The following MAP2 variants were observed in gnomAD, a reference collection of about 807,000 sequenced individuals.
MAP2 encodes microtubule-associated protein 2.
Under a neutral mutation model 137.6 loss-of-function variants are expected in MAP2, and 14 were observed. That is an observed-to-expected ratio of 0.10 (90% CI 0.07 to 0.16). The LOEUF (loss-of-function observed/expected upper bound fraction) is 0.16. Ranked by LOEUF, MAP2 falls within the 10% of genes least tolerant of loss-of-function variation. The pLI is 1.00. For missense variants in MAP2, 2,088 were observed against 2,191.5 expected (o/e 0.95, Z 0.94); for synonymous variants, 786 against 782.3 (o/e 1.00, Z -0.08).
chr2:209,556,662 TAAAAAA>T (rs111264428), intron 2 of MAP2, among the ~76,000 whole-genome samples: 19 of 108,468 alleles, frequency 1.8e-4, no homozygotes, highest in African/African-American at 5.9e-4. Flanking sequence ...TCTGGCCTAT[TAAAAAA>T]AAAAAAAAAA....
rs74872467 is a variant in MAP2 at position 209,566,112 on chromosome 2, G to A, written c.-171-13924G>A. Among the ~76,000 whole-genome samples the A allele has an allele frequency of 9.7e-3, 1,470 of 152,274 alleles. 27 individuals carry two copies. Among genetic ancestry groups the A allele is most frequent in the African/African-American group, 0.033 (1,386 of 41,548 alleles). On this transcript the variant is annotated intron_variant, in intron 2 of 15. Coordinates refer to ENST00000682079, the MANE Select transcript of MAP2 (RefSeq NM_001375505.1). ...TGAGAGTGACATTCACTCTTTCCAA[G>A]ATAATCCTCATGATAGGATGCACTT...
At chr2:209,630,380 A>G (rs1229166288) in intron 4 of MAP2, among the ~76,000 whole-genome samples, 3 of 152,146 alleles carry the variant, frequency 2.0e-5, no homozygotes, top group Admixed American at 6.5e-5. Flanking sequence ...CCTACTGCCC[A>G]TTACACAAGC....
chr2:209,531,957 A>G (rs1007022452), intron 2 of MAP2, among the ~76,000 whole-genome samples: 2 of 152,158 alleles, frequency 1.3e-5, no homozygotes, highest in African/African-American at 4.8e-5. Flanking sequence ...ATAGGACTTC[A>G]GCTAGGCATG....
chr2:209,619,200 G>A (rs543337443), intron 3 of MAP2, among the ~76,000 whole-genome samples: 9 of 151,952 alleles, frequency 5.9e-5, no homozygotes, highest in Non-Finnish European at 1.3e-4. Flanking sequence ...AAATTCAAGA[G>A]ATCTATTATA....
intron 1 of MAP2, among the ~76,000 whole-genome samples, chr2:209,476,243 G>C (rs10514642): frequency 6.6e-6 from 1 of 151,966 alleles, no homozygotes; most frequent in African/African-American, 2.4e-5. Flanking sequence ...GCAGTCACTT[G>C]GAAAGAAGAT....
intron 2 of MAP2, among the ~76,000 whole-genome samples, chr2:209,574,051 A>G (rs1019765506): frequency 6.6e-6 from 1 of 152,170 alleles, no homozygotes; most frequent in African/African-American, 2.4e-5. Context: ...TCATAATTGT[A>G]TACATTTATG....
At chr2:209,707,416 A>C (rs1202412154) in intron 12 of MAP2, among the ~76,000 whole-genome samples, 1 of 152,042 alleles carries the variant, frequency 6.6e-6, no homozygotes, top group Non-Finnish European at 1.5e-5. Context: ...AAAAGCAAGC[A>C]CTCTGCCCAC....
At chr2:209,702,760 G>A (rs2062140329) in intron 11 of MAP2, among the ~76,000 whole-genome samples, 1 of 151,910 alleles carries the variant, frequency 6.6e-6, no homozygotes, top group Non-Finnish European at 1.5e-5. Context: ...AATGACTTGT[G>A]CTGACCCAAT....
chr2:209,598,206 C>T (rs1285461556), intron 3 of MAP2, among the ~76,000 whole-genome samples: 2 of 151,702 alleles, frequency 1.3e-5, no homozygotes, highest in Non-Finnish European at 2.9e-5. Context: ...GGGGTTTCAC[C>T]ATATTGGCCA....
chr2:209,669,669 A>C (rs1228219838), intron 5 of MAP2, among the ~76,000 whole-genome samples: 2 of 151,996 alleles, frequency 1.3e-5, no homozygotes, highest in Non-Finnish European at 2.9e-5. Context: ...TCTCCATAAG[A>C]AACCCTAGCC....
Position 209,695,408 on chromosome 2 carries a change from C to A in MAP2, c.3238C>A (p.Pro1080Thr). The A allele has an allele frequency of 6.2e-7, 1 of 1,613,036 alleles. No individual in the cohort carries two copies. Among genetic ancestry groups the A allele is most frequent in the Non-Finnish European group, 8.5e-7 (1 of 1,179,562 alleles). ...ACTTGAGGCTACACAGGACATGACC[C>A]CCTCATCCAAAGCACCGCAGGAGGC... Reference protein sequence around the residue: ...LKLEATQDMTPSSKAPQEADA... With the variant: ...LKLEATQDMTTSSKAPQEADA... The change falls in exon 8 of 16, where the codon CCC becomes ACC. Residue 1080 changes from proline to threonine, a missense_variant. Pro to Thr is a conservative substitution (Grantham distance 38, BLOSUM62 -1). Coordinates refer to ENST00000682079, the MANE Select transcript of MAP2 (RefSeq NM_001375505.1).
In MAP2 at chr2:209,695,494, A is replaced by G; in HGVS notation, c.3324A>G (p.Thr1108=). The change falls in exon 8 of 16, where the codon ACA becomes ACG. Residue 1108 remains threonine, a synonymous_variant. Transcript: ENST00000682079. ...AAGAAGGCACTAAAGTTAGTGAGACAGAAGTCAAAGAGAAGGTGGCCAAGC... is the reference window on the plus strand; with the variant it reads ...AAGAAGGCACTAAAGTTAGTGAGACGGAAGTCAAAGAGAAGGTGGCCAAGC... The part of the protein sequence containing the change: ...HMKEGTKVSE[T]EVKEKVAKPD... The G allele has an allele frequency of 1.9e-6, 3 of 1,614,140 alleles. No individual in the cohort carries two copies. The highest frequency in any genetic ancestry group is 2.5e-6 in the Non-Finnish European group (3 of 1,180,022).
intron 2 of MAP2, among the ~76,000 whole-genome samples, chr2:209,538,645 T>G (rs140966012): frequency 2.0e-5 from 3 of 151,754 alleles, no homozygotes. Context: ...GGCTAGCGCC[T>G]GGTACACTTT....
chr2:209,566,428 TTGAG>T lies in MAP2; in HGVS notation c.-171-13606_-171-13603del, dbSNP rs1220915817. ...GCTGGGCATTCAGCAATGCCAGCTA[TTGAG>T]TAAGATCTTTCAAGTGCCTCAGCCT... On this transcript the variant is annotated intron_variant, in intron 2 of 15. Transcript: ENST00000682079. Among the ~76,000 whole-genome samples, 4 of 152,194 alleles carry T rather than the reference TTGAG, an allele frequency of 2.6e-5. No homozygotes were observed. In the East Asian group the frequency reaches 7.7e-4, roughly 29 times the overall value.
intron 5 of MAP2, among the ~76,000 whole-genome samples, chr2:209,675,439 T>C (rs1049361012): frequency 6.6e-6 from 1 of 151,906 alleles, no homozygotes; most frequent in African/African-American, 2.4e-5. Context: ...CACTCACGAT[T>C]AGTACTGGCT....
chr2:209,720,419 A>G (rs1222842247), intron 13 of MAP2, among the ~76,000 whole-genome samples: 1 of 152,122 alleles, frequency 6.6e-6, no homozygotes, highest in Non-Finnish European at 1.5e-5. Context: ...CGGGCAGATC[A>G]CGAGGTCAGG....
chr2:209,484,297 T>C (rs1031461), intron 1 of MAP2, among the ~76,000 whole-genome samples: 95,497 of 150,850 alleles, frequency 0.63, 30,467 homozygotes, highest in Middle Eastern at 0.68. Flanking sequence ...TATTTTATTA[T>C]CAAGAAGTCA....
chr2:209,630,045 G>A (rs908215710), intron 4 of MAP2, among the ~76,000 whole-genome samples: 1 of 152,138 alleles, frequency 6.6e-6, no homozygotes, highest in East Asian at 1.9e-4. Flanking sequence ...AAACAAAAAC[G>A]GTGCTGATGA....
At chr2:209,545,337 C>T (rs1261808217) in intron 2 of MAP2, among the ~76,000 whole-genome samples, 1 of 152,120 alleles carries the variant, frequency 6.6e-6, no homozygotes, top group Admixed American at 6.5e-5. Flanking sequence ...GTAAATCTAC[C>T]TAGCCTGCAC....
Sources: allele counts gnomAD v4.1 joint callset (sites outside exome capture counted in the v4.1 genomes callset), GRCh38; gene constraint gnomAD v4.1.1; transcripts MANE v1.5; gene names NCBI Gene and HGNC (gene_info 2026-07-23, HGNC 2026-07-21).